The following CUBN variants were observed in gnomAD, a reference collection of about 807,000 sequenced individuals.
CUBN encodes 460 kDa receptor.
CUBN carries 282 observed loss-of-function variants against 405.3 expected under a neutral mutation model. The observed-to-expected ratio is 0.70, with a 90% CI of 0.63 to 0.77. The LOEUF is 0.77. Among genes scored for constraint, CUBN ranks in the 30% least tolerant of loss-of-function variants. The probability of loss-of-function intolerance (pLI) is 0.00; values close to 1 mark genes in which losing one functional copy is unlikely to be tolerated. For synonymous variants in CUBN, 1,684 were observed against 1,617.0 expected, an observed-to-expected ratio of 1.04 and a Z score of -0.99; for missense variants, 4,514 against 4,475.2, an observed-to-expected ratio of 1.01 and a Z score of -0.25.
At chr10:16,909,890 T>C (rs548639527) in intron 48 of CUBN, among the ~76,000 whole-genome samples, 1 of 152,308 alleles carries the variant, frequency 6.6e-6, no homozygotes, top group Non-Finnish European at 1.5e-5. Flanking sequence ...TAGCTTTTTA[T>C]TTTCTCTGTC....
At chr10:16,860,910 T>C (rs2131352943) in intron 59 of CUBN, among the ~76,000 whole-genome samples, 1 of 152,278 alleles carries the variant, frequency 6.6e-6, no homozygotes, top group African/African-American at 2.4e-5. Context: ...GGGATGTGCT[T>C]TCTAAAATAA....
chr10:16,964,714 CACT>C (rs1479773180), intron 31 of CUBN, among the ~76,000 whole-genome samples: 1 of 152,206 alleles, frequency 6.6e-6, no homozygotes, highest in Non-Finnish European at 1.5e-5. Flanking sequence ...CATATAACAG[CACT>C]GCAGCACCCA....
chr10:16,879,475 A>T (rs1840607633), intron 56 of CUBN, among the ~76,000 whole-genome samples: 1 of 152,246 alleles, frequency 6.6e-6, no homozygotes. Flanking sequence ...GACCCAAACT[A>T]CATTATTTTA....
intron 56 of CUBN, 77 bp downstream of exon 56, chr10:16,888,339 TC>T: frequency 8.5e-7 from 1 of 1,181,208 alleles, no homozygotes; most frequent in Non-Finnish European, 1.2e-6. Flanking sequence ...TGTACATATG[TC>T]AAAACATGTT....
At chr10:17,124,718 G>A (rs565907813) in intron 4 of CUBN, among the ~76,000 whole-genome samples, 47 of 152,144 alleles carry the variant, frequency 3.1e-4, no homozygotes, top group African/African-American at 9.4e-4. Context: ...GTGAGCCACC[G>A]CGCCCAGCCA....
chr10:16,831,195 T>C (rs1410852163), intron 65 of CUBN, 57 bp downstream of exon 65: 53 of 1,497,766 alleles, frequency 3.5e-5, no homozygotes, highest in Non-Finnish European at 9.3e-7. Flanking sequence ...CCTTTTACTA[T>C]TAGACACCTC....
At position 16,898,992 on chromosome 10, in the gene CUBN, T is replaced by A; in HGVS notation, c.8598+4A>T. 6.3e-7 allele frequency: 1 copy of A among 1,599,430 alleles called. No individual in the cohort carries two copies. Among genetic ancestry groups the A allele is most frequent in the South Asian group, 1.1e-5 (1 of 90,768 alleles). On this transcript the variant is annotated splice_donor_region_variant and intron_variant, in intron 54 of 66. Transcript: ENST00000377833. The stretch of plus-strand genomic sequence containing the variant: ...GCTCCAATTAAATGAACAAGTGTAC[T>A]AACCTTCACGAAGCTATTCTGACAT...
chr10:17,100,786 C>A (rs1467051002), intron 13 of CUBN, among the ~76,000 whole-genome samples: 1 of 152,108 alleles, frequency 6.6e-6, no homozygotes, highest in East Asian at 1.9e-4. Flanking sequence ...GGGATGTAGA[C>A]AAGCAAGGCC....
At chr10:16,843,522 G>C (rs1588578718) in intron 60 of CUBN, among the ~76,000 whole-genome samples, 1 of 147,514 alleles carries the variant, frequency 6.8e-6, no homozygotes, top group African/African-American at 2.7e-5. Context: ...GATGAAACTC[G>C]AGTTTTCTAA....
chr10:17,063,125 C>T (rs1835536314), intron 22 of CUBN, among the ~76,000 whole-genome samples: 1 of 152,156 alleles, frequency 6.6e-6, no homozygotes, highest in African/African-American at 2.4e-5. Flanking sequence ...CTAAAAAATG[C>T]TGCAGGACCC....
intron 33 of CUBN, 77 bp from the exon 34 acceptor site, chr10:16,950,188 G>T (rs568013050): frequency 4.3e-6 from 4 of 939,748 alleles, no homozygotes; most frequent in Non-Finnish European, 6.7e-6. Context: ...AAGACGGGGA[G>T]GTGGGGATGG....
chr10:16,846,581 G>A (rs1432952291), intron 60 of CUBN, among the ~76,000 whole-genome samples: 1 of 152,088 alleles, frequency 6.6e-6, no homozygotes, highest in East Asian at 1.9e-4. Context: ...GGAGGCCAAG[G>A]TAGGTGGATC....
intron 45 of CUBN, among the ~76,000 whole-genome samples, chr10:16,916,404 T>G (rs1210727730): frequency 6.6e-6 from 1 of 152,234 alleles, no homozygotes; most frequent in Non-Finnish European, 1.5e-5. Context: ...TAGTACCCTG[T>G]GTTGATCCTA....
chr10:16,961,802 C>T (rs1199608558), intron 31 of CUBN, among the ~76,000 whole-genome samples: 1 of 150,270 alleles, frequency 6.7e-6, no homozygotes, highest in Non-Finnish European at 1.5e-5. Flanking sequence ...ACCTCCGCCT[C>T]CCGGGTTCAC....
chr10:17,030,302 G>A (rs1260907861), intron 27 of CUBN, among the ~76,000 whole-genome samples: 14 of 101,584 alleles, frequency 1.4e-4, no homozygotes, highest in Non-Finnish European at 2.1e-4. Context: ...CCCCCGGTCC[G>A]TGGAAAAACT....
chr10:16,960,826 A>C (rs1465368763), intron 31 of CUBN, among the ~76,000 whole-genome samples: 2 of 152,108 alleles, frequency 1.3e-5, no homozygotes, highest in Non-Finnish European at 2.9e-5. Flanking sequence ...GCCAGGTCTG[A>C]AGGAGAATGA....
intron 25 of CUBN, among the ~76,000 whole-genome samples, chr10:17,044,501 C>T (rs1050917572): frequency 2.0e-5 from 3 of 152,006 alleles, no homozygotes; most frequent in African/African-American, 7.2e-5. Flanking sequence ...AAGCCCAATA[C>T]ATATTGTAAT....
intron 13 of CUBN, among the ~76,000 whole-genome samples, chr10:17,101,124 T>G (rs1836484874): frequency 1.3e-5 from 2 of 152,172 alleles, no homozygotes; most frequent in Admixed American, 1.3e-4. Context: ...GCTAGGGTAT[T>G]TTAAGATCAG....
chr10:17,128,256 C>G (rs1003049876), intron 2 of CUBN, among the ~76,000 whole-genome samples: 2 of 152,108 alleles, frequency 1.3e-5, no homozygotes, highest in African/African-American at 2.4e-5. Context: ...TTATTGCTGT[C>G]CTGGGCAAGT....
Sources: allele counts gnomAD v4.1 joint callset (sites outside exome capture counted in the v4.1 genomes callset), GRCh38; gene constraint gnomAD v4.1.1; transcripts MANE v1.5; gene names NCBI Gene and HGNC (gene_info 2026-07-23, HGNC 2026-07-21).